ZNF512B: variants seen among roughly 807,000 people sequenced by gnomAD.
The protein encoded by ZNF512B is zinc finger protein 512B.
Under a neutral mutation model 87.8 loss-of-function variants are expected in ZNF512B, and 22 were observed. The observed-to-expected ratio is 0.25, with a 90% CI of 0.18 to 0.36. The LOEUF is 0.36. Ranked by LOEUF, ZNF512B falls within the 10% of genes least tolerant of loss-of-function variation. ZNF512B has a pLI of 1.00. For missense variants in ZNF512B, 1,060 were observed against 1,231.6 expected, an observed-to-expected ratio of 0.86 and a Z score of 2.09; for synonymous variants, 524 against 490.9, an observed-to-expected ratio of 1.07 and a Z score of -0.89.
rs972462410 is a variant in ZNF512B, at chr20:63,960,115, G to C, written c.2452C>G (p.Pro818Ala). The change falls in exon 17 of 17, where the codon CCA becomes GCA. Residue 818 changes from proline to alanine, a missense_variant. By Grantham distance (27) the Pro-to-Ala change is conservative. Around this residue, in one of 9 missense-constraint regions of ZNF512B, gnomAD observed 253 missense variants for 259.2 expected, o/e 0.98. Transcript: ENST00000369888. Reference protein sequence around the residue: ...AENWFRTSADPPPKHRSQDSL... With the variant: ...AENWFRTSADAPPKHRSQDSL... ...TCCTGGCTCCTGTGTTTGGGAGGTG[G>C]GTCTGCTGATGTTCGGAACCAGTTC... 3 of 1,613,862 alleles carry C rather than the reference G, an allele frequency of 1.9e-6. No individual in the cohort carries two copies. Among genetic ancestry groups the C allele is most frequent in the Non-Finnish European group, 1.7e-6 (2 of 1,179,988 alleles).
rs144106697 is a variant in ZNF512B, at chr20:63,962,659, T to G, written c.2091A>C (p.Ile697=). The change falls in exon 13 of 17, where the codon ATA becomes ATC. Residue 697 remains isoleucine, a synonymous_variant. Coordinates refer to ENST00000369888, the MANE Select transcript of ZNF512B (RefSeq NM_020713.3). The part of the protein sequence containing the change: ...AQVAVFHLQE[I]AEDELARDWT... Reference sequence around the variant, plus strand: ...AGTCGCGGGCCAGCTCGTCCTCCGCTATCTCCTGCAGGTGGAACACCGCCA... The same window carrying G: ...AGTCGCGGGCCAGCTCGTCCTCCGCGATCTCCTGCAGGTGGAACACCGCCA... The G allele has an allele frequency of 5.0e-6, 8 of 1,606,656 alleles. No homozygotes were observed. In the African/African-American group the frequency reaches 1.1e-4, roughly 21 times the overall value.
Position 63,962,570 on chromosome 20 carries a change from T to TGG in ZNF512B, c.2163+15_2163+16dup, listed in dbSNP as rs746108322. 6 of 1,594,470 alleles carry TGG rather than the reference T, an allele frequency of 3.8e-6. No individual in the cohort carries two copies. The highest frequency in any genetic ancestry group is 3.4e-6 in the Non-Finnish European group (4 of 1,174,092). On this transcript the variant is annotated intron_variant, in intron 13 of 16. Coordinates refer to ENST00000369888, the MANE Select transcript of ZNF512B (RefSeq NM_020713.3). The stretch of plus-strand genomic sequence containing the variant: ...GAGGCCACGGCGCTGTCCACAGCCC[T>TGG]GGGGGGGGCAGCTCACCCGTGCGGT...
At position 63,964,584 on chromosome 20, in the gene ZNF512B, CAAG is replaced by C. The variant is rs752051064; in HGVS notation, c.1164_1166del (p.Leu389del). 6.2e-7 allele frequency: 1 copy of C among 1,613,264 alleles called. No individual in the cohort carries two copies. Among genetic ancestry groups the C allele is most frequent in the African/African-American group, 1.3e-5 (1 of 75,034 alleles). On this transcript the variant is annotated inframe_deletion, in exon 6 of 17. Transcript: ENST00000369888. ...CCCCTGACGGCCTGCTGCCTGGCGA[CAAG>C]GAGCCACTGCTGGTGTCTGCACTCA...
At chr20:63,963,305 G>A in intron 11 of ZNF512B, 37 bp downstream of exon 11, 1 of 1,537,072 alleles carries the variant, frequency 6.5e-7, no homozygotes, top group Non-Finnish European at 8.7e-7. Flanking sequence ...GGCCAGCAGG[G>A]CCCCCCCACC....
intron 1 of ZNF512B, 34 bp from the exon 2 acceptor site, chr20:63,967,986 C>G (rs143230244): frequency 1.9e-6 from 3 of 1,582,312 alleles, no homozygotes; most frequent in African/African-American, 1.3e-5. Flanking sequence ...TGAAGCCTGA[C>G]GGGCCCCACT....
rs990932497 is a variant in ZNF512B, at chr20:63,961,045, C to T, written c.2427+264G>A. Among the ~76,000 whole-genome samples, 1 of 152,206 alleles carries T rather than the reference C, an allele frequency of 6.6e-6. No individual in the cohort carries two copies. The highest frequency in any genetic ancestry group is 1.5e-5 in the Non-Finnish European group (1 of 68,012). ...GCTGGACACAGCCTTCGGGACCAGG[C>T]AAGCACCTGCAGCAGGGCTGCTGGG... On this transcript the variant is annotated intron_variant, in intron 16 of 16. Transcript: ENST00000369888. The surrounding 1 kb of genome is among the most constrained non-coding windows in gnomAD (Gnocchi z 6.4).
chr20:63,968,032 C>A, intron 1 of ZNF512B, 80 bp from the exon 2 acceptor site: 1 of 1,524,576 alleles, frequency 6.6e-7, no homozygotes, highest in Non-Finnish European at 8.9e-7. Flanking sequence ...GAGCCCTGCC[C>A]TTGGCAGGTC....
In ZNF512B at chr20:63,966,488, C is replaced by T. The variant is rs191422588; in HGVS notation, c.687G>A (p.Pro229=). ...TGGTGACTGGCACGGGCCTAGTGAC[C>T]GGGATGGCCTTGGTGACTGGCATGG... ...GRPMPVTKAI[P]VTRPVPVTKP... is the part of the protein sequence containing the mutation. Residue 229 remains proline, a synonymous_variant, in exon 5 of 17, where the codon CCG becomes CCA. Transcript: ENST00000369888. The T allele has an allele frequency of 5.4e-5, 87 of 1,613,926 alleles. No homozygotes were observed. Among genetic ancestry groups the T allele is most frequent in the Admixed American group, 6.7e-5 (4 of 60,012 alleles).
rs967992904 is a variant in ZNF512B, at chr20:63,963,410, C to T, written c.1729G>A (p.Glu577Lys). ...CGCAGCCTCTCGCGCTCCTCCTGCT[C>T]GCCCCCTTCGGAGGCCTCGGCGTCA... ...PSDAEASEGG[E>K]QEERERLRKV... is the part of the protein sequence containing the mutation. The change falls in exon 11 of 17, where the codon GAG (glutamate) becomes AAG (lysine). Residue 577 changes from glutamate (E) to lysine (K), a missense_variant. Physicochemically the swap from Glu to Lys is moderately conservative, Grantham distance 56. Coordinates refer to ENST00000369888, the MANE Select transcript of ZNF512B (RefSeq NM_020713.3). The T allele has an allele frequency of 8.4e-6, 13 of 1,548,562 alleles. No individual in the cohort carries two copies. Among genetic ancestry groups the T allele is most frequent in the African/African-American group, 2.7e-5 (2 of 73,458 alleles).
rs1185988514 is a variant in ZNF512B, at chr20:63,962,344, G to C, written c.2194C>G (p.Leu732Val). 6.2e-7 allele frequency: 1 copy of C among 1,612,828 alleles called. No individual in the cohort carries two copies. The highest frequency in any genetic ancestry group is 1.1e-5 in the South Asian group (1 of 91,078). ...LNYTRPGLPTLNPQLLEAWKN... is the reference protein window; with the variant it reads ...LNYTRPGLPTVNPQLLEAWKN... ...CATGCCTCTAGCAGCTGGGGGTTCA[G>C]CGTGGGGAGCCCTGGTCGAGTGTAG... Residue 732 changes from leucine (L) to valine (V), a missense_variant, in exon 14 of 17, where the codon CTG (leucine) becomes GTG (valine). This residue lies in a region of ZNF512B where 253 missense variants were observed against 259.2 expected (regional missense o/e 0.98). Coordinates refer to ENST00000369888, the MANE Select transcript of ZNF512B (RefSeq NM_020713.3).
At chr20:63,962,862 GC>G in intron 12 of ZNF512B, 81 bp from the exon 13 acceptor site, 1 of 1,404,244 alleles carries the variant, frequency 7.1e-7, no homozygotes, top group Non-Finnish European at 9.5e-7. Flanking sequence ...CCACCCTAAG[GC>G]CGGTGGACCC....
chr20:63,969,299 G>C (rs549795213), intron 1 of ZNF512B: 3 of 520,390 alleles, frequency 5.8e-6, no homozygotes, highest in Admixed American at 6.3e-5. Context: ...GGGAGGCAGA[G>C]ACGCGACTGG....
Position 63,961,876 on chromosome 20 carries a change from C to T in ZNF512B, c.2328+66G>A, listed in dbSNP as rs374287452. 9.1e-5 allele frequency: 137 copies of T among 1,512,146 alleles called. No homozygotes were observed. Among genetic ancestry groups the T allele is most frequent in the Middle Eastern group, 1.7e-4 (1 of 5,736 alleles). 93.7% of individuals were successfully genotyped at this position (1,512,146 alleles called of 1,614,324 possible). A position where few individuals can be genotyped will look rare whatever the true frequency, so the allele number is the denominator to read the frequency against. ...GTCCCTCACTACTGTGTGGGAAGCCCGCGTGGGGTGAGCTGGGAGCTCTGA... is the reference window on the plus strand; with the variant it reads ...GTCCCTCACTACTGTGTGGGAAGCCTGCGTGGGGTGAGCTGGGAGCTCTGA... On this transcript the variant is annotated intron_variant, in intron 15 of 16. Coordinates refer to ENST00000369888, the MANE Select transcript of ZNF512B (RefSeq NM_020713.3). The surrounding 1 kb of genome is among the most constrained non-coding windows in gnomAD (Gnocchi z 6.4).
chr20:63,967,428 T>C lies in ZNF512B; in HGVS notation c.217A>G (p.Lys73Glu). 6.2e-7 allele frequency: 1 copy of C among 1,613,188 alleles called. No homozygotes were observed. The highest frequency in any genetic ancestry group is 8.5e-7 in the Non-Finnish European group (1 of 1,179,456). ...SPASDKTEGK[K>E]KGRPKAENQA... Reference sequence around the variant, plus strand: ...TTCTCGGCTTTTGGCCGCCCCTTTTTCTTCCCTTCTGTCTTGTCACTGGCT... The same window carrying C: ...TTCTCGGCTTTTGGCCGCCCCTTTTCCTTCCCTTCTGTCTTGTCACTGGCT... Residue 73 changes from lysine to glutamate, a missense_variant, in exon 3 of 17, where the codon AAA becomes GAA. Lys to Glu is a moderately conservative substitution (Grantham distance 56). Coordinates refer to ENST00000369888, the MANE Select transcript of ZNF512B (RefSeq NM_020713.3).
At chr20:63,962,229 C>T in intron 14 of ZNF512B, 44 bp downstream of exon 14, 1 of 1,554,956 alleles carries the variant, frequency 6.4e-7, no homozygotes, top group Non-Finnish European at 8.7e-7. Context: ...AGGCTCTGGC[C>T]CTGTATGGCT....
In ZNF512B at chr20:63,967,488, C is replaced by T. The variant is rs145795341; in HGVS notation, c.157G>A (p.Gly53Ser). 668 of 1,610,794 alleles carry T rather than the reference C, an allele frequency of 4.1e-4. No homozygotes were observed. Among genetic ancestry groups the T allele is most frequent in the Middle Eastern group, 2.8e-3 (17 of 6,052 alleles). ...PVVRGGQTVP[G>S]QAPLCFDPGS... ...GGGTCAAAGCAGAGAGGGGCCTGGC[C>T]GGGCACTGTCTGTCCACCACGGACC... The change falls in exon 3 of 17, where the codon GGC becomes AGC. Residue 53 changes from glycine (G) to serine (S), a missense_variant. Physicochemically the swap from Gly to Ser is moderately conservative, Grantham distance 56 (BLOSUM62 0). Around this residue, in one of 9 missense-constraint regions of ZNF512B, gnomAD observed 134 missense variants for 153.6 expected, o/e 0.87. Coordinates refer to ENST00000369888, the MANE Select transcript of ZNF512B (RefSeq NM_020713.3).
At position 63,962,297 on chromosome 20, in the gene ZNF512B, T is replaced by A; in HGVS notation, c.2241A>T (p.Lys747Asn). ...CGTCGTTGGGACAGTTGACGTGGCCTTTCTCCTTCACTTCATTCTTCCATG... is the reference window on the plus strand; with the variant it reads ...CGTCGTTGGGACAGTTGACGTGGCCATTCTCCTTCACTTCATTCTTCCATG... ...LEAWKNEVKE[K>N]GHVNCPNDCC... The change falls in exon 14 of 17, where the codon AAA becomes AAT. Residue 747 changes from lysine to asparagine, a missense_variant. Lys to Asn is a moderately conservative substitution (Grantham distance 94). Transcript: ENST00000369888. 6.2e-7 allele frequency: 1 copy of A among 1,612,416 alleles called. No individual in the cohort carries two copies. The highest frequency in any genetic ancestry group is 8.5e-7 in the Non-Finnish European group (1 of 1,179,910).
rs1052559139 is a variant in ZNF512B at position 63,967,601 on chromosome 20, G to A, written c.122-78C>T. ...CGGCGGCTGCACAGGCCCACAGTGA[G>A]CACCGCTGTCCCAACACGAGGGCAC... On this transcript the variant is annotated intron_variant, in intron 2 of 16. Transcript: ENST00000369888. The A allele has an allele frequency of 3.3e-6, 5 of 1,511,900 alleles. No homozygotes were observed. The East Asian group carries it at 1.1e-4, about 34-fold the overall frequency. 93.7% of individuals were successfully genotyped at this position (1,511,900 alleles called of 1,614,324 possible).
At position 63,959,787 on chromosome 20, in the gene ZNF512B, T is replaced by C. The variant is rs879079775; in HGVS notation, c.*101A>G. ...CACTGGACGGATGAAGAGGCGGGGGTGGGGGATGGAGAACTGGAGGACAGA... is the reference window on the plus strand; with the variant it reads ...CACTGGACGGATGAAGAGGCGGGGGCGGGGGATGGAGAACTGGAGGACAGA... On this transcript the variant is annotated 3_prime_UTR_variant, in exon 17 of 17. Coordinates refer to ENST00000369888, the MANE Select transcript of ZNF512B (RefSeq NM_020713.3). 7.4e-7 allele frequency: 1 copy of C among 1,354,100 alleles called. No individual in the cohort carries two copies. Among genetic ancestry groups the C allele is most frequent in the Middle Eastern group, 2.7e-4 (1 of 3,734 alleles). 83.9% of individuals were successfully genotyped at this position (1,354,100 alleles called of 1,614,324 possible).
Sources: gnomAD v4.1 joint callset for allele counts (sites outside exome capture counted in the v4.1 genomes callset) on GRCh38, gnomAD v4.1.1 for gene constraint, gnomAD v4.1.1 regional missense constraint, Gnocchi (gnomAD v3.1) non-coding constraint, MANE v1.5 for transcripts, NCBI Gene and HGNC (gene_info 2026-07-23, HGNC 2026-07-21) for gene names.